The following THBS2 variants were observed in gnomAD, a reference collection of about 807,000 sequenced individuals.
THBS2 encodes thrombospondin-2.
A neutral mutation model predicts 135.2 loss-of-function variants in THBS2; 47 were observed. That is an observed-to-expected ratio of 0.35 (90% CI 0.28 to 0.44). The LOEUF (loss-of-function observed/expected upper bound fraction) is 0.44. Among genes scored for constraint, THBS2 ranks in the 20% least tolerant of loss-of-function variants. The pLI, the probability that THBS2 is intolerant of heterozygous loss-of-function variation, is 1.00. For missense variants in THBS2, 1,288 were observed against 1,603.1 expected, an observed-to-expected ratio of 0.80 and a Z score of 3.36; for synonymous variants, 639 against 633.8, an observed-to-expected ratio of 1.01 and a Z score of -0.12.
chr6:169,246,177 A>G lies in THBS2; in HGVS notation c.694+20T>C. 6.2e-7 allele frequency: 1 copy of G among 1,609,604 alleles called. No homozygotes were observed. The highest frequency in any genetic ancestry group is 1.1e-5 in the South Asian group (1 of 90,974). ...CCATCCAAGCCAGTATATAAAATGC[A>G]TTTTTCACAACACACCTACCTCCCT... On this transcript the variant is annotated intron_variant, in intron 4 of 21. Coordinates refer to ENST00000617924, the MANE Select transcript of THBS2 (RefSeq NM_003247.5).
At chr6:169,221,571 G>A in intron 19 of THBS2, 44 bp from the exon 20 acceptor site, 1 of 1,580,940 alleles carries the variant, frequency 6.3e-7, no homozygotes, top group Non-Finnish European at 8.7e-7. Context: ...GGCACCCGGA[G>A]CCTTAACCAC....
intron 4 of THBS2, among the ~76,000 whole-genome samples, chr6:169,244,620 G>T (rs1014356045): frequency 6.8e-6 from 1 of 147,704 alleles, no homozygotes; most frequent in African/African-American, 2.5e-5. Context: ...ACACACACAC[G>T]TATACATATA....
rs774336595 is a variant in THBS2, at chr6:169,223,305, G to T, written c.2944C>A (p.Arg982Ser). ...TGAACCAGCTCCTTGCCTTGATGGC[G>T]AATGACCCAGTTGGGATCAATTTGG... ...TTQIDPNWVI[R>S]HQGKELVQTA... The change falls in exon 18 of 22, where the codon CGC becomes AGC. Residue 982 changes from arginine (R) to serine (S), a missense_variant. Arg to Ser is a moderately radical substitution (Grantham distance 110). Around this residue, in one of 2 missense-constraint regions of THBS2, gnomAD observed 874 missense variants for 1,156.1 expected, o/e 0.76. Coordinates refer to ENST00000617924, the MANE Select transcript of THBS2 (RefSeq NM_003247.5). The T allele has an allele frequency of 6.2e-7, 1 of 1,614,022 alleles. No homozygotes were observed. Among genetic ancestry groups the T allele is most frequent in the Non-Finnish European group, 8.5e-7 (1 of 1,180,048 alleles).
chr6:169,240,836 AATCGCGTGGCTCAC>A (rs926497447), intron 5 of THBS2, among the ~76,000 whole-genome samples: 16 of 152,156 alleles, frequency 1.1e-4, no homozygotes. Flanking sequence ...GGAGAGCGGA[AATCGCGTGGCTCAC>A]ATCACACCTG....
chr6:169,220,798 C>T (rs545255302), intron 20 of THBS2, among the ~76,000 whole-genome samples: 54 of 152,290 alleles, frequency 3.5e-4, no homozygotes, highest in South Asian at 6.2e-4. Flanking sequence ...TATGAATAAA[C>T]AGGAGGCCCC....
intron 12 of THBS2, 130 bp downstream of exon 12, chr6:169,232,534 C>G: frequency 2.8e-6 from 4 of 1,442,496 alleles, no homozygotes; most frequent in Non-Finnish European, 3.7e-6. Flanking sequence ...TCAGCTTCCC[C>G]GGGCCAGCCC....
Position 169,225,240 on chromosome 6 carries a change from C to T in THBS2, c.2678G>A (p.Gly893Asp). The T allele has an allele frequency of 6.2e-7, 1 of 1,613,824 alleles. No homozygotes were observed. The highest frequency in any genetic ancestry group is 8.5e-7 in the Non-Finnish European group (1 of 1,179,854). ...GTCATCATCAGGGTCACAGGCGTCG[C>T]CCTGGCCGTCTCTGTCATGGTCAGC... ...NQADHDRDGQ[G>D]DACDPDDDND... Residue 893 changes from glycine (G) to aspartate (D), a missense_variant, in exon 17 of 22, where the codon GGC (glycine) becomes GAC (aspartate). Coordinates refer to ENST00000617924, the MANE Select transcript of THBS2 (RefSeq NM_003247.5).
In THBS2 at chr6:169,217,328, T is replaced by C. The variant is rs1180061314; in HGVS notation, c.*494A>G. On this transcript the variant is annotated 3_prime_UTR_variant, in exon 22 of 22. Coordinates refer to ENST00000617924, the MANE Select transcript of THBS2 (RefSeq NM_003247.5). The stretch of plus-strand genomic sequence containing the variant: ...TTTGAATTGACCCTTGTTTATAATT[T>C]ATTTAATGGGATTTGTGTGTCATTG... 6.5e-6 allele frequency: 1 copy of C among 154,308 alleles called. No homozygotes were observed. The highest frequency in any genetic ancestry group is 6.5e-5 in the Admixed American group (1 of 15,362). 9.6% of individuals were successfully genotyped at this position (154,308 alleles called of 1,614,324 possible).
At position 169,241,045 on chromosome 6, in the gene THBS2, C is replaced by G. The variant is rs1342663785; in HGVS notation, c.892-453G>C. On this transcript the variant is annotated intron_variant, in intron 5 of 21. Coordinates refer to ENST00000617924, the MANE Select transcript of THBS2 (RefSeq NM_003247.5). The surrounding 1 kb of genome is among the most constrained non-coding windows in gnomAD (Gnocchi z 5.5). ...CCTCCCTGCCCCAGGCTCCTGCCCT[C>G]GCCGCCCTCCCTGCCCCGGACTCCT... is the stretch of plus-strand genomic sequence containing the variant. Among the ~76,000 whole-genome samples, 2 of 149,068 alleles carry G rather than the reference C, an allele frequency of 1.3e-5. No individual in the cohort carries two copies. The highest frequency in any genetic ancestry group is 3.0e-5 in the Non-Finnish European group (2 of 67,502).
intron 13 of THBS2, among the ~76,000 whole-genome samples, chr6:169,231,646 C>A (rs1779837203): frequency 6.6e-6 from 1 of 152,232 alleles, no homozygotes; most frequent in Non-Finnish European, 1.5e-5. Context: ...GACACAATGG[C>A]CTCTGCACAG....
At chr6:169,238,638 A>G (rs1324126798) in intron 7 of THBS2, among the ~76,000 whole-genome samples, 2 of 152,212 alleles carry the variant, frequency 1.3e-5, no homozygotes, top group Non-Finnish European at 2.9e-5. Flanking sequence ...TATAAGACTA[A>G]CTGTATAGGG....
chr6:169,232,475 G>A lies in THBS2; in HGVS notation c.1932+189C>T, dbSNP rs1246587970. ...GCCTGACCCTCACAGGCCCGGCTGA[G>A]CACGCCCCGCACCCCGCGCGGAGAG... On this transcript the variant is annotated intron_variant, in intron 12 of 21. Coordinates refer to ENST00000617924, the MANE Select transcript of THBS2 (RefSeq NM_003247.5). Among the ~76,000 whole-genome samples, 7 of 112,942 alleles carry A rather than the reference G, an allele frequency of 6.2e-5. No individual in the cohort carries two copies. The East Asian group carries it at 1.1e-3, about 18-fold the overall frequency. The allele number at this position is 112,942 out of a possible 152,430, so 74.1% of individuals were successfully genotyped here. A position where few individuals can be genotyped will look rare whatever the true frequency, so the allele number is the denominator to read the frequency against.
intron 9 of THBS2, among the ~76,000 whole-genome samples, chr6:169,236,518 CTCCCCATCCACACTCAT>C (rs1383234907): frequency 7.1e-6 from 1 of 140,590 alleles, no homozygotes; most frequent in Non-Finnish European, 1.5e-5. Context: ...TCTACACTCA[CTCCCCATCCACACTCAT>C]TCCCCATCCA....
At chr6:169,237,141 A>AC in intron 9 of THBS2, 29 bp downstream of exon 9, 1 of 1,581,098 alleles carries the variant, frequency 6.3e-7, no homozygotes, top group Non-Finnish European at 8.6e-7. Context: ...AAGCCCGCCC[A>AC]CCCAGGGCCC....
chr6:169,241,339 C>T lies in THBS2; in HGVS notation c.891+423G>A, dbSNP rs1053808217. ...TCCTGCCAGCCTCACAGGAACTTCC[C>T]GTCCTGCCTCTTCAGCTATGCCAAC... On this transcript the variant is annotated intron_variant, in intron 5 of 21. Transcript: ENST00000617924. The surrounding 1 kb of genome is among the most constrained non-coding windows in gnomAD (Gnocchi z 5.5). Among the ~76,000 whole-genome samples, 1 of 152,166 alleles carries T rather than the reference C, an allele frequency of 6.6e-6. No homozygotes were observed. Among genetic ancestry groups the T allele is most frequent in the Non-Finnish European group, 1.5e-5 (1 of 68,046 alleles).
At chr6:169,238,011 T>C (rs956078199) in intron 7 of THBS2, among the ~76,000 whole-genome samples, 1 of 152,184 alleles carries the variant, frequency 6.6e-6, no homozygotes, top group Non-Finnish European at 1.5e-5. Flanking sequence ...GGGACTGCCT[T>C]TCAAGAGAAG....
At chr6:169,225,450 C>A in intron 16 of THBS2, 71 bp from the exon 17 acceptor site, 2 of 1,458,560 alleles carry the variant, frequency 1.4e-6, no homozygotes, top group Non-Finnish European at 1.9e-6. Flanking sequence ...ACCAGCAGGA[C>A]GCAAGCCTGA....
intron 19 of THBS2, 118 bp downstream of exon 19, chr6:169,222,079 C>T: frequency 8.3e-7 from 1 of 1,204,020 alleles, no homozygotes. Context: ...ATAACTGTGC[C>T]TGGAGTTAAA....
chr6:169,239,521 C>T, intron 7 of THBS2, 78 bp downstream of exon 7: 3 of 1,409,354 alleles, frequency 2.1e-6, no homozygotes, highest in Non-Finnish European at 2.9e-6. Context: ...TCTGCCAAAA[C>T]CAACCAATGA....
Sources: gnomAD v4.1 joint callset for allele counts (sites outside exome capture counted in the v4.1 genomes callset) on GRCh38, gnomAD v4.1.1 for gene constraint, gnomAD v4.1.1 regional missense constraint, Gnocchi (gnomAD v3.1) non-coding constraint, MANE v1.5 for transcripts, NCBI Gene and HGNC (gene_info 2026-07-23, HGNC 2026-07-21) for gene names.